The following ADAMTSL1 variants were observed in gnomAD, a reference collection of about 807,000 sequenced individuals.
ADAMTSL1 encodes the protein ADAMTS like 1, also known as ADAMTS-like protein 1.
Under a neutral mutation model 201.8 loss-of-function variants are expected in ADAMTSL1, and 126 were observed. That is an observed-to-expected ratio of 0.62 (90% confidence interval 0.54 to 0.72). ADAMTSL1 has a LOEUF of 0.72. Among genes scored for constraint, ADAMTSL1 ranks in the 30% least tolerant of loss-of-function variants. The pLI, the probability that ADAMTSL1 is intolerant of heterozygous loss-of-function variation, is 0.00. For missense variants in ADAMTSL1, 2,679 were observed against 2,277.8 expected, an observed-to-expected ratio of 1.18 and a Z score of -3.59; for synonymous variants, 1,121 against 903.4, an observed-to-expected ratio of 1.24 and a Z score of -4.32.
chr9:18,271,306 T>C (rs1832352773), intron 2 of ADAMTSL1, among the ~76,000 whole-genome samples: 2 of 152,120 alleles, frequency 1.3e-5, no homozygotes, highest in Non-Finnish European at 2.9e-5. Context: ...ACATTAGGTA[T>C]ATCTCCTAAT....
chr9:18,703,896 G>A (rs1832080049), intron 13 of ADAMTSL1, among the ~76,000 whole-genome samples: 1 of 151,632 alleles, frequency 6.6e-6, no homozygotes, highest in African/African-American at 2.4e-5. Context: ...GACAAGCAGA[G>A]CTAAGAGTCT....
chr9:18,168,683 T>C (rs1180225606), intron 2 of ADAMTSL1, among the ~76,000 whole-genome samples: 2 of 147,374 alleles, frequency 1.4e-5, no homozygotes, highest in Admixed American at 6.8e-5. Flanking sequence ...TAGTTCTAGA[T>C]CCCTGAGGAA....
chr9:18,902,838 G>GA (rs996761425), intron 26 of ADAMTSL1, among the ~76,000 whole-genome samples: 1 of 151,886 alleles, frequency 6.6e-6, no homozygotes, highest in Non-Finnish European at 1.5e-5. Context: ...CATTGGCAAA[G>GA]AAAAAAAGAG....
chr9:18,019,103 C>T (rs1820378252), intron 1 of ADAMTSL1, among the ~76,000 whole-genome samples: 1 of 151,940 alleles, frequency 6.6e-6, no homozygotes, highest in Non-Finnish European at 1.5e-5. Context: ...AAGGGGGACT[C>T]TTGTTTATGT....
At chr9:18,770,206 G>A (rs1035191693) in intron 16 of ADAMTSL1, among the ~76,000 whole-genome samples, 12 of 152,164 alleles carry the variant, frequency 7.9e-5, no homozygotes, top group Admixed American at 7.9e-4. Context: ...TATACTGATG[G>A]CGGGAGCTCT....
At chr9:18,072,129 G>C (rs1335711668) in intron 1 of ADAMTSL1, among the ~76,000 whole-genome samples, 2 of 152,150 alleles carry the variant, frequency 1.3e-5, no homozygotes, top group Non-Finnish European at 2.9e-5. Flanking sequence ...CTTATTTTTG[G>C]ATTGTATTTG....
chr9:18,771,653 C>A (rs1258769893), intron 17 of ADAMTSL1, among the ~76,000 whole-genome samples: 1 of 150,718 alleles, frequency 6.6e-6, no homozygotes, highest in Non-Finnish European at 1.5e-5. Flanking sequence ...GATTCAAGAC[C>A]TTCCTTTTTC....
intron 15 of ADAMTSL1, among the ~76,000 whole-genome samples, chr9:18,745,760 T>A (rs895232536): frequency 6.6e-6 from 1 of 152,244 alleles, no homozygotes; most frequent in African/African-American, 2.4e-5. Flanking sequence ...CAATTCAATT[T>A]TACTAGATTT....
chr9:18,698,171 A>G (rs771737368), intron 13 of ADAMTSL1, among the ~76,000 whole-genome samples: 1 of 152,202 alleles, frequency 6.6e-6, no homozygotes, highest in Non-Finnish European at 1.5e-5. Flanking sequence ...AAGTTCTAGA[A>G]TAGAGATTAA....
intron 4 of ADAMTSL1, among the ~76,000 whole-genome samples, chr9:18,577,584 A>T (rs1040432764): frequency 2.0e-5 from 3 of 152,190 alleles, no homozygotes; most frequent in African/African-American, 7.2e-5. Flanking sequence ...CCATTTTTCA[A>T]TCTGTGGAAA....
chr9:18,509,671 G>A (rs534151080), intron 2 of ADAMTSL1, among the ~76,000 whole-genome samples: 2 of 152,334 alleles, frequency 1.3e-5, no homozygotes, highest in East Asian at 1.9e-4. Context: ...GTAAGAGAGA[G>A]CAATTCCCAG....
intron 2 of ADAMTSL1, among the ~76,000 whole-genome samples, chr9:18,515,473 G>A (rs923132699): frequency 1.3e-5 from 2 of 151,992 alleles, no homozygotes; most frequent in African/African-American, 2.4e-5. Flanking sequence ...TAGCTGGGAC[G>A]ACAGGCATGA....
intron 1 of ADAMTSL1, among the ~76,000 whole-genome samples, chr9:18,107,842 A>G (rs1824825356): frequency 6.6e-6 from 1 of 152,152 alleles, no homozygotes. Flanking sequence ...TACGCCAGGA[A>G]GTGTTAAATG....
intron 1 of ADAMTSL1, among the ~76,000 whole-genome samples, chr9:17,932,438 C>A (rs1266673655): frequency 6.6e-6 from 1 of 152,222 alleles, no homozygotes; most frequent in African/African-American, 2.4e-5. Flanking sequence ...CTAGCCAGTA[C>A]ATTTTATATC....
intron 14 of ADAMTSL1, chr9:18,717,957 C>T: frequency 6.8e-7 from 1 of 1,462,638 alleles, no homozygotes; most frequent in Admixed American, 1.7e-5. Context: ...CTCAGAGCTG[C>T]AATGCACTTA....
chr9:18,603,383 ATG>A (rs1824792809), intron 4 of ADAMTSL1, among the ~76,000 whole-genome samples: 4 of 151,870 alleles, frequency 2.6e-5, no homozygotes, highest in African/African-American at 4.8e-5. Flanking sequence ...ATGCTATGCT[ATG>A]CTATGCTATG....
At chr9:18,249,231 A>G (rs1367300059) in intron 2 of ADAMTSL1, among the ~76,000 whole-genome samples, 2 of 152,194 alleles carry the variant, frequency 1.3e-5, no homozygotes, top group African/African-American at 4.8e-5. Flanking sequence ...TATAGGTAGG[A>G]TATTATAAAA....
At chr9:18,486,036 C>A (rs879666423) in intron 1 of ADAMTSL1, among the ~76,000 whole-genome samples, 17 of 152,186 alleles carry the variant, frequency 1.1e-4, no homozygotes, top group Non-Finnish European at 2.5e-4. Flanking sequence ...CATCTTGAGG[C>A]CTCAGAGGCT....
At chr9:18,088,389 G>T (rs745698203) in intron 1 of ADAMTSL1, among the ~76,000 whole-genome samples, 1 of 152,098 alleles carries the variant, frequency 6.6e-6, no homozygotes, top group African/African-American at 2.4e-5. Context: ...AGCAAAATTA[G>T]ACAAGTCACA....
Sources: allele counts gnomAD v4.1 joint callset (sites outside exome capture counted in the v4.1 genomes callset), GRCh38; gene constraint gnomAD v4.1.1; transcripts MANE v1.5; gene names NCBI Gene and HGNC (gene_info 2026-07-23, HGNC 2026-07-21).